The following JMJD1C variants were observed in gnomAD, a reference collection of about 807,000 sequenced individuals.
JMJD1C encodes jumonji domain-containing protein 1C.
A neutral mutation model predicts 245.3 loss-of-function variants in JMJD1C; 31 were observed. That is an observed-to-expected ratio of 0.13 (90% CI 0.09 to 0.17). The LOEUF (loss-of-function observed/expected upper bound fraction) is 0.17, where lower values mean the gene tolerates loss of function less well. Ranked by LOEUF, JMJD1C falls within the 10% of genes least tolerant of loss-of-function variation. The pLI is 1.00. For missense variants in JMJD1C, 2,691 were observed against 3,000.2 expected (o/e 0.90, Z 2.41); for synonymous variants, 1,057 against 1,017.4 (o/e 1.04, Z -0.74).
At chr10:63,476,876 G>C (rs1300575873) in intron 1 of JMJD1C, among the ~76,000 whole-genome samples, 6 of 152,146 alleles carry the variant, frequency 3.9e-5, no homozygotes, top group African/African-American at 1.4e-4. Flanking sequence ...GCTGCAGAAA[G>C]AAATCTCTAG....
rs775603089 is a variant in JMJD1C at position 63,465,708 on chromosome 10, A to G, written c.-46T>C. On this transcript the variant is annotated 5_prime_UTR_variant, in exon 1 of 26. Transcript: ENST00000399262. ...CCGCTGCCTCCTCCAGTGCGAGGGA[A>G]CCGATGAAACCTCACTCCTACCGGC... is the stretch of plus-strand genomic sequence containing the variant. 1.9e-6 allele frequency: 3 copies of G among 1,595,686 alleles called. No homozygotes were observed.
intron 3 of JMJD1C, among the ~76,000 whole-genome samples, chr10:63,238,116 G>A (rs866487813): frequency 2.7e-5 from 4 of 145,968 alleles, no homozygotes; most frequent in Non-Finnish European, 1.5e-5. Flanking sequence ...GGGAGGTGGA[G>A]GTTGCAGCAA....
chr10:63,194,631 T>C (rs1845234761), intron 13 of JMJD1C: 1 of 344,462 alleles, frequency 2.9e-6, no homozygotes, highest in East Asian at 5.1e-5. Flanking sequence ...GATATAATGA[T>C]AGCCTTTCTA....
chr10:63,214,583 G>A lies in JMJD1C; in HGVS notation c.1584C>T (p.Thr528=). The change falls in exon 8 of 26, where the codon ACC becomes ACT. Residue 528 remains threonine, a synonymous_variant. Transcript: ENST00000399262. ...TTTTCTGAAGTGTCTGAAGGCCAAAGGTACTTGAGTTTTCCTGAGCCACCT... is the reference window on the plus strand; with the variant it reads ...TTTTCTGAAGTGTCTGAAGGCCAAAAGTACTTGAGTTTTCCTGAGCCACCT... ...LEKVAQENSS[T]FGLQTLQKMD... 6.2e-7 allele frequency: 1 copy of A among 1,614,050 alleles called. No individual in the cohort carries two copies. The highest frequency in any genetic ancestry group is 1.1e-5 in the South Asian group (1 of 91,068).
chr10:63,369,627 T>G (rs1444245131), intron 2 of JMJD1C, among the ~76,000 whole-genome samples: 1 of 152,192 alleles, frequency 6.6e-6, no homozygotes, highest in African/African-American at 2.4e-5. Context: ...CTCCCAATAT[T>G]AGGCATATTC....
chr10:63,296,026 T>TTTTTC (rs1491140598), intron 2 of JMJD1C, among the ~76,000 whole-genome samples: 1 of 133,416 alleles, frequency 7.5e-6, no homozygotes, highest in Non-Finnish European at 1.6e-5. Context: ...TTTTTTTTTT[T>TTTTTC]CTTAGATGGA....
intron 3 of JMJD1C, among the ~76,000 whole-genome samples, chr10:63,233,767 A>G (rs982797741): frequency 4.0e-5 from 6 of 150,258 alleles, no homozygotes; most frequent in African/African-American, 1.5e-4. Flanking sequence ...GCACACACAC[A>G]CACACACACA....
At chr10:63,380,685 C>T (rs746103432) in intron 1 of JMJD1C, among the ~76,000 whole-genome samples, 7 of 152,152 alleles carry the variant, frequency 4.6e-5, no homozygotes, top group Non-Finnish European at 8.8e-5. Flanking sequence ...ATTTCAAATC[C>T]TCTTCTAGCT....
intron 3 of JMJD1C, among the ~76,000 whole-genome samples, chr10:63,224,591 A>G (rs765627163): frequency 1.3e-5 from 2 of 151,694 alleles, no homozygotes; most frequent in Non-Finnish European, 2.9e-5. Flanking sequence ...TTTTATATAT[A>G]TATTTACTGA....
At chr10:63,292,115 C>G (rs562250603) in intron 2 of JMJD1C, among the ~76,000 whole-genome samples, 2 of 86,894 alleles carry the variant, frequency 2.3e-5, no homozygotes, top group South Asian at 7.6e-4. Flanking sequence ...CCATATCTGA[C>G]TAATTTTTTT....
intron 2 of JMJD1C, among the ~76,000 whole-genome samples, chr10:63,362,025 G>A (rs1945400918): frequency 6.6e-6 from 1 of 151,994 alleles, no homozygotes; most frequent in African/African-American, 2.4e-5. Context: ...CCTGAGGTCA[G>A]GAGTTCCGAG....
intron 3 of JMJD1C, among the ~76,000 whole-genome samples, chr10:63,261,383 C>T (rs1854726050): frequency 6.6e-6 from 1 of 152,046 alleles, no homozygotes; most frequent in Non-Finnish European, 1.5e-5. Context: ...GAGTTCAAGA[C>T]CAGCCTGGTC....
intron 2 of JMJD1C, among the ~76,000 whole-genome samples, chr10:63,271,891 A>G (rs1220830540): frequency 1.3e-5 from 2 of 152,074 alleles, no homozygotes; most frequent in South Asian, 2.1e-4. Context: ...CCTGGCCATC[A>G]TGGCAAACCC....
chr10:63,267,070 A>G (rs1435328168), intron 2 of JMJD1C, among the ~76,000 whole-genome samples: 1 of 152,208 alleles, frequency 6.6e-6, no homozygotes, highest in Non-Finnish European at 1.5e-5. Context: ...ACTAGCTGAC[A>G]ATGATCAAAT....
At chr10:63,176,716 C>T (rs985441747) in intron 23 of JMJD1C, 12 of 384,258 alleles carry the variant, frequency 3.1e-5, no homozygotes, top group African/African-American at 2.4e-4. Context: ...TCACCACCTC[C>T]TTCCACTATG....
intron 1 of JMJD1C, among the ~76,000 whole-genome samples, chr10:63,424,110 T>TCA (rs1173788031): frequency 5.3e-5 from 8 of 152,182 alleles, no homozygotes; most frequent in African/African-American, 1.7e-4. Flanking sequence ...GATCTTACTG[T>TCA]CAGCATTATC....
Position 63,288,926 on chromosome 10 carries a change from A to G in JMJD1C, c.334-24162T>C, listed in dbSNP as rs777710108. Among the ~76,000 whole-genome samples, 956 of 112,464 alleles carry G rather than the reference A, an allele frequency of 8.5e-3. 3 individuals carry two copies. The highest frequency in any genetic ancestry group is 0.025 in the African/African-American group (424 of 16,852). 73.8% of individuals were successfully genotyped at this position (112,464 alleles called of 152,430 possible). A position where few individuals can be genotyped will look rare whatever the true frequency, so the allele number is the denominator to read the frequency against. ...TAATAATAATAATAATAATAATAAT[A>G]ATGATAATAATCTGTATATTTTATT... On this transcript the variant is annotated intron_variant, in intron 2 of 25. Transcript: ENST00000399262.
At chr10:63,503,366 A>T (rs924153055) in intron 1 of JMJD1C, among the ~76,000 whole-genome samples, 1 of 152,206 alleles carries the variant, frequency 6.6e-6, no homozygotes, top group Non-Finnish European at 1.5e-5. Context: ...GAGACAAATT[A>T]TTAATAATTA....
At chr10:63,298,497 G>A (rs1359399512) in intron 2 of JMJD1C, among the ~76,000 whole-genome samples, 2 of 152,074 alleles carry the variant, frequency 1.3e-5, no homozygotes, top group Non-Finnish European at 2.9e-5. Context: ...TCTACACTGT[G>A]TATCTCTGTA....
Sources: allele counts gnomAD v4.1 joint callset (sites outside exome capture counted in the v4.1 genomes callset), GRCh38; gene constraint gnomAD v4.1.1; transcripts MANE v1.5; gene names NCBI Gene and HGNC (gene_info 2026-07-23, HGNC 2026-07-21).